The following CD46 variants were observed in gnomAD, a reference collection of about 807,000 sequenced individuals.
CD46 encodes the protein CD46 molecule.
Under a neutral mutation model 53.3 loss-of-function variants are expected in CD46, and 30 were observed. The ratio of observed to expected loss-of-function variants is 0.56; its 90% confidence interval spans 0.42 to 0.76. CD46 has a LOEUF of 0.76. Among genes scored for constraint, CD46 ranks in the 30% least tolerant of loss-of-function variants. The pLI is 0.00. For synonymous variants in CD46, 142 were observed against 152.0 expected, an observed-to-expected ratio of 0.93 and a Z score of 0.48; for missense variants, 409 against 463.0, an observed-to-expected ratio of 0.88 and a Z score of 1.07.
In CD46 at chr1:207,795,429, T is replaced by G. The variant is rs181361104; in HGVS notation, c.*1952T>G. ...TTTGCTATAAAATGAGAAGTCTCAC[T>G]GATAGAGGTTCTTTATTGCTCATTT... is the stretch of plus-strand genomic sequence containing the variant. On this transcript the variant is annotated 3_prime_UTR_variant, in exon 13 of 13. Coordinates refer to ENST00000367042, the MANE Select transcript of CD46 (RefSeq NM_172351.3). 2.0e-5 allele frequency: 3 copies of G among 152,386 alleles called. No homozygotes were observed. Among genetic ancestry groups the G allele is most frequent in the Admixed American group, 2.0e-4 (3 of 15,310 alleles). 9.4% of individuals were successfully genotyped at this position (152,386 alleles called of 1,614,324 possible). A position where few individuals can be genotyped will look rare whatever the true frequency, so the allele number is the denominator to read the frequency against.
At chr1:207,763,351 G>A (rs1051814082) in intron 5 of CD46, 1 of 152,368 alleles carries the variant, frequency 6.6e-6, no homozygotes, top group African/African-American at 2.4e-5. Context: ...AGCCTTGCTG[G>A]CTCCTCTGCT....
Position 207,785,736 on chromosome 1 carries a change from C to T in CD46, c.1082+54C>T. ...CTTGGTCCTTCTTATACTTAACATGCTTTTGTGCAGCTTCAGTTTGTAATC... is the reference window on the plus strand; with the variant it reads ...CTTGGTCCTTCTTATACTTAACATGTTTTTGTGCAGCTTCAGTTTGTAATC... On this transcript the variant is annotated intron_variant, in intron 11 of 12. Transcript: ENST00000367042. 4 of 1,114,260 alleles carry T rather than the reference C, an allele frequency of 3.6e-6. No individual in the cohort carries two copies. In the South Asian group the frequency reaches 3.7e-5, roughly 10 times the overall value. 69.0% of individuals were successfully genotyped at this position (1,114,260 alleles called of 1,614,324 possible). A position where few individuals can be genotyped will look rare whatever the true frequency, so the allele number is the denominator to read the frequency against.
chr1:207,757,679 G>T, intron 3 of CD46, 37 bp downstream of exon 3: 1 of 1,311,754 alleles, frequency 7.6e-7, no homozygotes, highest in Non-Finnish European at 1.1e-6. Context: ...GGAAGTGTTA[G>T]TAATTTTATT....
In CD46 at chr1:207,783,319, T is replaced by C; in HGVS notation, c.971T>C (p.Leu324Pro). ...TATCCTAAACCTGAGGAAGGAATACTTGACAGTTTGGGTTGGTATAGCTAT... is the reference window on the plus strand; with the variant it reads ...TATCCTAAACCTGAGGAAGGAATACCTGACAGTTTGGGTTGGTATAGCTAT... The part of the protein sequence containing the change: ...PGYPKPEEGI[L>P]DSLDVWVIAV... The change falls in exon 9 of 13, where the codon CTT becomes CCT. Residue 324 changes from leucine (L) to proline (P), a missense_variant. Coordinates refer to ENST00000367042, the MANE Select transcript of CD46 (RefSeq NM_172351.3). 1 of 1,536,388 alleles carries C rather than the reference T, an allele frequency of 6.5e-7. No homozygotes were observed. The highest frequency in any genetic ancestry group is 2.3e-5 in the East Asian group (1 of 44,400).
chr1:207,791,156 G>A (rs570975574), intron 12 of CD46, among the ~76,000 whole-genome samples: 1 of 152,272 alleles, frequency 6.6e-6, no homozygotes, highest in South Asian at 2.1e-4. Context: ...TGGCGGTCTG[G>A]GCCTACCCAG....
intron 8 of CD46, among the ~76,000 whole-genome samples, chr1:207,782,820 GTT>G (rs35223061): frequency 1.5e-5 from 2 of 133,864 alleles, no homozygotes; most frequent in Non-Finnish European, 1.6e-5. Context: ...GCTAATTTTT[GTT>G]TTTTTTTTTT....
chr1:207,762,407 T>C (rs1162676849), intron 5 of CD46, among the ~76,000 whole-genome samples: 1 of 150,726 alleles, frequency 6.6e-6, no homozygotes, highest in Admixed American at 6.6e-5. Flanking sequence ...AAGGAAATGA[T>C]AAAAATAGAG....
Position 207,764,505 on chromosome 1 carries a change from C to T in CD46, c.674-2508C>T. On this transcript the variant is annotated intron_variant, in intron 5 of 12. Coordinates refer to ENST00000367042, the MANE Select transcript of CD46 (RefSeq NM_172351.3). ...TTTCTCATCCTTTTTCTGACTTCCC[C>T]CCATCCCTTAGCCAAAAAGCTTTAT... 1.3e-5 allele frequency among the ~76,000 whole-genome samples: 2 copies of T among 152,280 alleles called. 1 individual carries two copies.
intron 12 of CD46, among the ~76,000 whole-genome samples, chr1:207,792,464 G>A (rs1218336679): frequency 1.3e-5 from 2 of 152,102 alleles, no homozygotes; most frequent in South Asian, 2.1e-4. Context: ...ACCCGTTTAC[G>A]CCTGAGGTTG....
chr1:207,752,619 G>A lies in CD46; in HGVS notation c.97+310G>A, dbSNP rs1571562359. On this transcript the variant is annotated intron_variant, in intron 1 of 12. Coordinates refer to ENST00000367042, the MANE Select transcript of CD46 (RefSeq NM_172351.3). The surrounding 1 kb of genome is among the most constrained non-coding windows in gnomAD (Gnocchi z 4.1). Reference sequence around the variant, plus strand: ...TCGGCCAGGGGAGCGCGGACTGGGCGCCCTAGGTGAGGGCTTGTTCTGGAG... The same window carrying A: ...TCGGCCAGGGGAGCGCGGACTGGGCACCCTAGGTGAGGGCTTGTTCTGGAG... Among the ~76,000 whole-genome samples the A allele has an allele frequency of 2.0e-5, 3 of 152,332 alleles. No homozygotes were observed. Among genetic ancestry groups the A allele is most frequent in the South Asian group, 4.1e-4 (2 of 4,828 alleles).
rs375671974 is a variant in CD46 at position 207,752,223 on chromosome 1, C to G, written c.11C>G (p.Pro4Arg). The change falls in exon 1 of 13, where the codon CCC becomes CGC. Residue 4 changes from proline to arginine, a missense_variant. Pro to Arg is a moderately radical substitution (Grantham distance 103). Coordinates refer to ENST00000367042, the MANE Select transcript of CD46 (RefSeq NM_172351.3). The surrounding 1 kb of genome is among the most constrained non-coding windows in gnomAD (Gnocchi z 4.1). MEP[P>R]GRRECPFPSW... ...TCTTCCGCGCCGCGCATGGAGCCTC[C>G]CGGCCGCCGCGAGTGTCCCTTTCCT... is the stretch of plus-strand genomic sequence containing the variant. 5 of 1,613,970 alleles carry G rather than the reference C, an allele frequency of 3.1e-6. No homozygotes were observed. The highest frequency in any genetic ancestry group is 4.2e-6 in the Non-Finnish European group (5 of 1,179,998).
intron 5 of CD46, among the ~76,000 whole-genome samples, chr1:207,765,172 A>T (rs1354022256): frequency 6.6e-6 from 1 of 152,206 alleles, no homozygotes; most frequent in Admixed American, 6.5e-5. Context: ...TTGCCACATC[A>T]GTAGACTATT....
At position 207,761,554 on chromosome 1, in the gene CD46, G is replaced by A. The variant is rs193293177; in HGVS notation, c.673+108G>A. 5 of 842,952 alleles carry A rather than the reference G, an allele frequency of 5.9e-6. No homozygotes were observed. In the East Asian group the frequency reaches 1.3e-4, roughly 22 times the overall value. 52.2% of individuals were successfully genotyped at this position (842,952 alleles called of 1,614,324 possible). The stretch of plus-strand genomic sequence containing the variant: ...GCAGGTGTATGTGCTTCCTCCTCCT[G>A]TATAATTGGTTTCTAATTTATTTTA... On this transcript the variant is annotated intron_variant, in intron 5 of 12. Coordinates refer to ENST00000367042, the MANE Select transcript of CD46 (RefSeq NM_172351.3).
intron 11 of CD46, among the ~76,000 whole-genome samples, chr1:207,789,165 T>A (rs538543352): frequency 6.6e-6 from 1 of 152,364 alleles, no homozygotes; most frequent in Non-Finnish European, 1.5e-5. Context: ...TGCATGATTA[T>A]TTTTTAACTC....
chr1:207,768,337 C>G (rs1156892743), intron 7 of CD46: 1 of 158,502 alleles, frequency 6.3e-6, no homozygotes. Context: ...TTATTCTTTT[C>G]AGAAGTGATC....
At chr1:207,785,798 A>AAAT in intron 11 of CD46, 116 bp downstream of exon 11, 1 of 532,804 alleles carries the variant, frequency 1.9e-6, no homozygotes, top group Non-Finnish European at 3.3e-6. Context: ...TTTTAAAAAA[A>AAAT]TGCCTGCATT....
intron 1 of CD46, 151 bp from the exon 2 acceptor site, chr1:207,756,863 G>C (rs1217235363): frequency 4.2e-5 from 29 of 686,534 alleles, no homozygotes; most frequent in Non-Finnish European, 6.3e-5. Flanking sequence ...CCACTGCTAT[G>C]AGCACTCAGG....
At position 207,771,965 on chromosome 1, in the gene CD46, T is replaced by C. The variant is rs556029237; in HGVS notation, c.943+1603T>C. On this transcript the variant is annotated intron_variant, in intron 8 of 12. Transcript: ENST00000367042. ...AGTGGTAGCTTGATGTGGATAGCAT[T>C]GAATCTATAAATTACCTTGGGTAGT... is the stretch of plus-strand genomic sequence containing the variant. Among the ~76,000 whole-genome samples, 3 of 152,360 alleles carry C rather than the reference T, an allele frequency of 2.0e-5. No individual in the cohort carries two copies. In the East Asian group the frequency reaches 5.8e-4, roughly 29 times the overall value.
chr1:207,754,387 C>A (rs74941188), intron 1 of CD46, among the ~76,000 whole-genome samples: 3 of 152,000 alleles, frequency 2.0e-5, no homozygotes, highest in African/African-American at 7.2e-5. Flanking sequence ...ACCTCGCGAC[C>A]CCCCCATCTC....
Sources: gnomAD v4.1 joint callset for allele counts (sites outside exome capture counted in the v4.1 genomes callset) on GRCh38, gnomAD v4.1.1 for gene constraint, Gnocchi (gnomAD v3.1) non-coding constraint, MANE v1.5 for transcripts, NCBI Gene and HGNC (gene_info 2026-07-23, HGNC 2026-07-21) for gene names.